The following WDPCP variants were observed in gnomAD, a reference collection of about 807,000 sequenced individuals.
The protein encoded by WDPCP is WD repeat-containing and planar cell polarity effector protein fritz homolog.
Under a neutral mutation model 93.1 loss-of-function variants are expected in WDPCP, and 71 were observed. The ratio of observed to expected loss-of-function variants is 0.76; its 90% CI spans 0.63 to 0.93. The LOEUF (loss-of-function observed/expected upper bound fraction) is 0.93. Among genes scored for constraint, WDPCP ranks in the 40% least tolerant of loss-of-function variants. The pLI, the probability that WDPCP is intolerant of heterozygous loss-of-function variation, is 0.00. For missense variants in WDPCP, 844 were observed against 887.4 expected (o/e 0.95, Z 0.62); for synonymous variants, 315 against 315.0 (o/e 1.00, Z 0.00).
intron 12 of WDPCP, among the ~76,000 whole-genome samples, chr2:63,373,722 T>C (rs1039535915): frequency 6.6e-6 from 1 of 152,130 alleles, no homozygotes; most frequent in Non-Finnish European, 1.5e-5. Context: ...ATGCTCCACT[T>C]ACCCCTAATT....
chr2:63,458,459 G>A (rs1368560846), intron 6 of WDPCP, among the ~76,000 whole-genome samples: 4 of 151,962 alleles, frequency 2.6e-5, no homozygotes, highest in Admixed American at 6.6e-5. Flanking sequence ...TGAACTAGGC[G>A]AGAAAGAAAT....
intron 12 of WDPCP, among the ~76,000 whole-genome samples, chr2:63,348,132 T>C (rs551125188): frequency 1.3e-5 from 2 of 152,276 alleles, no homozygotes; most frequent in South Asian, 4.1e-4. Context: ...TTATTATTTA[T>C]TATTTATAAT....
At chr2:63,236,135 T>G (rs1679373325) in intron 14 of WDPCP, among the ~76,000 whole-genome samples, 2 of 152,204 alleles carry the variant, frequency 1.3e-5, no homozygotes, top group Non-Finnish European at 2.9e-5. Flanking sequence ...TCTGTAAAGT[T>G]TTGGATACAA....
intron 1 of WDPCP, among the ~76,000 whole-genome samples, chr2:63,817,171 G>A (rs773043435): frequency 4.6e-5 from 7 of 151,030 alleles, no homozygotes; most frequent in Non-Finnish European, 8.8e-5. Context: ...GTGCAATGGT[G>A]CAATCTTGGC....
chr2:63,295,513 CTTTAAA>C (rs929341675), intron 13 of WDPCP, among the ~76,000 whole-genome samples: 1 of 147,868 alleles, frequency 6.8e-6, no homozygotes, highest in Non-Finnish European at 1.5e-5. Context: ...AAAAGACAGA[CTTTAAA>C]TTTAAAAAGG....
the WDPCP span, among the ~76,000 whole-genome samples, chr2:63,835,671 C>A: frequency 4.0e-5 from 6 of 151,768 alleles, no homozygotes; most frequent in African/African-American, 1.4e-4. Context: ...GGCACCAGAA[C>A]TTAACATTAG....
intron 2 of WDPCP, among the ~76,000 whole-genome samples, chr2:63,773,549 T>A (rs1670260520): frequency 6.6e-6 from 1 of 152,096 alleles, no homozygotes; most frequent in Admixed American, 6.6e-5. Context: ...TAAAAATTTA[T>A]TAAGCTGAGT....
intron 7 of WDPCP, chr2:63,437,853 A>G: frequency 2.5e-6 from 4 of 1,598,946 alleles, no homozygotes; most frequent in Non-Finnish European, 3.4e-6. Flanking sequence ...TTAAAAAACT[A>G]TTTCGCACCT....
the WDPCP span, among the ~76,000 whole-genome samples, chr2:63,838,359 C>G: frequency 1.3e-5 from 2 of 152,180 alleles, no homozygotes; most frequent in African/African-American, 2.4e-5. Context: ...GGATATGGGA[C>G]TGGGTAAACC....
At chr2:63,647,093 T>A (rs1026040162) in intron 3 of WDPCP, among the ~76,000 whole-genome samples, 1 of 152,062 alleles carries the variant, frequency 6.6e-6, no homozygotes, top group African/African-American at 2.4e-5. Context: ...GCTTCATTGT[T>A]TTTTCTTCTT....
At chr2:63,381,698 C>A (rs1371624022) in intron 11 of WDPCP, among the ~76,000 whole-genome samples, 1 of 152,092 alleles carries the variant, frequency 6.6e-6, no homozygotes, top group East Asian at 1.9e-4. Flanking sequence ...TACAGAAAAG[C>A]TGTTCTTTAT....
At chr2:63,222,816 T>A (rs1358474489) in intron 14 of WDPCP, among the ~76,000 whole-genome samples, 1 of 152,206 alleles carries the variant, frequency 6.6e-6, no homozygotes, top group Non-Finnish European at 1.5e-5. Flanking sequence ...ATTTTCCATT[T>A]ATCTCTTCTC....
rs1425967199 is a variant in WDPCP, at chr2:63,678,240, A to G, written n.309-27402T>C. Among the ~76,000 whole-genome samples the G allele has an allele frequency of 3.3e-5, 5 of 152,334 alleles. No individual in the cohort carries two copies. In the East Asian group the frequency reaches 9.6e-4, roughly 29 times the overall value. ...TCAACAGATGGCTGTACATCCAGGC[A>G]TCACAGTCTCATCCTAGGCAGGAAG... On this transcript the variant is annotated intron_variant and non_coding_transcript_variant, in intron 2 of 4. Transcript: ENST00000467687.
intron 1 of WDPCP, among the ~76,000 whole-genome samples, chr2:63,514,394 T>G (rs1277226678): frequency 6.6e-6 from 1 of 152,154 alleles, no homozygotes; most frequent in East Asian, 1.9e-4. Context: ...TTGGTGAGCA[T>G]CCCTTATCCT....
At chr2:63,626,012 T>C (rs778936634) in intron 3 of WDPCP, among the ~76,000 whole-genome samples, 1 of 152,070 alleles carries the variant, frequency 6.6e-6, no homozygotes, top group African/African-American at 2.4e-5. Context: ...GGAACAGAAC[T>C]GAGGCCTTAG....
chr2:63,253,967 C>T (rs916850964), intron 14 of WDPCP, among the ~76,000 whole-genome samples: 2 of 152,060 alleles, frequency 1.3e-5, no homozygotes, highest in African/African-American at 4.8e-5. Context: ...ATAGCAAAGA[C>T]ATGGAATCAA....
chr2:63,616,898 C>T (rs1021283549), intron 3 of WDPCP, among the ~76,000 whole-genome samples: 6 of 152,136 alleles, frequency 3.9e-5, no homozygotes, highest in Non-Finnish European at 7.4e-5. Context: ...AGGATATTTA[C>T]GGTTTAAGAA....
rs549851136 is a variant in WDPCP at position 63,434,337 on chromosome 2, A to C, written c.634-401T>G. 2.7e-3 allele frequency among the ~76,000 whole-genome samples: 414 copies of C among 152,326 alleles called. 2 individuals carry two copies. The highest frequency in any genetic ancestry group is 7.3e-3 in the Admixed American group (112 of 15,294). On this transcript the variant is annotated intron_variant, in intron 8 of 17. Coordinates refer to ENST00000272321, the MANE Select transcript of WDPCP (RefSeq NM_015910.7). The stretch of plus-strand genomic sequence containing the variant: ...ACTACTGTTTAAGACATAACGTGTT[A>C]ACAATGACTGACAACAAAAAAAGGA...
At chr2:63,713,574 T>A (rs796757696) in intron 2 of WDPCP, among the ~76,000 whole-genome samples, 3 of 152,336 alleles carry the variant, frequency 2.0e-5, no homozygotes, top group South Asian at 4.1e-4. Flanking sequence ...AATTTACCCA[T>A]AACAGAGTAG....
Sources: gnomAD v4.1 joint callset for allele counts (sites outside exome capture counted in the v4.1 genomes callset) on GRCh38, gnomAD v4.1.1 for gene constraint, MANE v1.5 for transcripts, NCBI Gene and HGNC (gene_info 2026-07-23, HGNC 2026-07-21) for gene names.